UBTD1: variants seen among roughly 807,000 people sequenced by gnomAD.
UBTD1 encodes the protein ubiquitin domain-containing protein 1.
UBTD1 carries 19 observed loss-of-function variants against 21.7 expected under a neutral mutation model. The observed-to-expected ratio is 0.87, with a 90% CI of 0.61 to 1.28. UBTD1 has a LOEUF of 1.28. Among genes scored for constraint, UBTD1 ranks in the 50% most tolerant of loss-of-function variants. The probability of loss-of-function intolerance (pLI) is 0.00; values close to 1 mark genes in which losing one functional copy is unlikely to be tolerated. For synonymous variants in UBTD1, 116 were observed against 135.1 expected (o/e 0.86, Z 0.98); for missense variants, 282 against 315.1 (o/e 0.89, Z 0.80).
At chr10:97,537,140 C>T (rs2040566571) in intron 1 of UBTD1, among the ~76,000 whole-genome samples, 1 of 152,076 alleles carries the variant, frequency 6.6e-6, no homozygotes, top group African/African-American at 2.4e-5. Context: ...ATGTCTCCCT[C>T]ATTTTCTCAG....
rs544251384 is a variant in UBTD1, at chr10:97,529,261, ACG to A, written c.70+29990_70+29991del. ...TAGGTGGGATGGCGGCCGGGCAGAGACGCTCCTCACTTTCCAGACTGGGCAGC... is the reference window on the plus strand; with the variant it reads ...TAGGTGGGATGGCGGCCGGGCAGAGACTCCTCACTTTCCAGACTGGGCAGC... On this transcript the variant is annotated intron_variant, in intron 1 of 2. Coordinates refer to ENST00000370664, the MANE Select transcript of UBTD1 (RefSeq NM_024954.5). Among the ~76,000 whole-genome samples the A allele has an allele frequency of 1.1e-3, 161 of 142,756 alleles. 1 individual carries two copies. Among genetic ancestry groups the A allele is most frequent in the African/African-American group, 4.2e-3 (155 of 37,076 alleles). The allele number at this position is 142,756 out of a possible 152,430, so 93.7% of individuals were successfully genotyped here.
chr10:97,528,281 G>A (rs1442794848), intron 1 of UBTD1, among the ~76,000 whole-genome samples: 1 of 137,422 alleles, frequency 7.3e-6, no homozygotes, highest in Non-Finnish European at 1.6e-5. Context: ...TCCCGGACGG[G>A]GCGGCTGGCC....
chr10:97,553,891 G>A (rs1174671211), intron 1 of UBTD1, among the ~76,000 whole-genome samples: 1 of 152,216 alleles, frequency 6.6e-6, no homozygotes, highest in African/African-American at 2.4e-5. Flanking sequence ...AATACTTGCA[G>A]AGGCTCACTC....
At chr10:97,534,612 C>G (rs1279979639) in intron 1 of UBTD1, among the ~76,000 whole-genome samples, 2 of 143,442 alleles carry the variant, frequency 1.4e-5, no homozygotes, top group Non-Finnish European at 3.1e-5. Context: ...CACACACACA[C>G]CACCCTTACT....
At chr10:97,519,802 G>T (rs979202635) in intron 1 of UBTD1, among the ~76,000 whole-genome samples, 4 of 152,172 alleles carry the variant, frequency 2.6e-5, no homozygotes, top group Non-Finnish European at 5.9e-5. Flanking sequence ...GATTAAAAGG[G>T]GGTATGTGCT....
chr10:97,509,608 T>C (rs555415699), intron 1 of UBTD1, among the ~76,000 whole-genome samples: 1 of 152,314 alleles, frequency 6.6e-6, no homozygotes, highest in African/African-American at 2.4e-5. Context: ...GGCTCATCCC[T>C]TGGAGTCAGA....
chr10:97,514,616 C>T (rs1183596235), intron 1 of UBTD1, among the ~76,000 whole-genome samples: 1 of 152,128 alleles, frequency 6.6e-6, no homozygotes, highest in Non-Finnish European at 1.5e-5. Flanking sequence ...AGCACTCATC[C>T]AGTGGGAGTG....
intron 1 of UBTD1, among the ~76,000 whole-genome samples, chr10:97,565,687 G>A (rs2040714212): frequency 2.0e-5 from 3 of 151,844 alleles, no homozygotes; most frequent in East Asian, 1.9e-4. Flanking sequence ...CAATTATATT[G>A]TATTTTTCTT....
intron 1 of UBTD1, among the ~76,000 whole-genome samples, chr10:97,547,985 CTT>C (rs1368275779): frequency 6.6e-6 from 1 of 152,070 alleles, no homozygotes; most frequent in African/African-American, 2.4e-5. Context: ...TAGCTACTGT[CTT>C]TTCAGCACTG....
intron 1 of UBTD1, among the ~76,000 whole-genome samples, chr10:97,529,373 A>G (rs2040514505): frequency 6.6e-6 from 1 of 152,232 alleles, no homozygotes; most frequent in East Asian, 1.9e-4. Context: ...GCGGCTGGGC[A>G]GAGGCTGCAA....
At chr10:97,535,593 C>T in intron 1 of UBTD1, among the ~76,000 whole-genome samples, 1 of 151,916 alleles carries the variant, frequency 6.6e-6, no homozygotes, top group Non-Finnish European at 1.5e-5. Flanking sequence ...CCAGCCTGGG[C>T]AACAGAGCAA....
chr10:97,550,293 G>A (rs534956451), intron 1 of UBTD1, among the ~76,000 whole-genome samples: 1 of 152,196 alleles, frequency 6.6e-6, no homozygotes, highest in Non-Finnish European at 1.5e-5. Flanking sequence ...GGGGATTGCC[G>A]CAGGTATAAA....
chr10:97,567,976 G>A lies in UBTD1; in HGVS notation c.133G>A (p.Gly45Arg), dbSNP rs1200305952. Residue 45 changes from glycine to arginine, a missense_variant, in exon 2 of 3, where the codon GGG becomes AGG. Transcript: ENST00000370664. ...GAAGAGCGACTACCCCATGACTGAC[G>A]GGCAGCTGCGGAGCAAACGGGATGA... ...KWKSDYPMTD[G>R]QLRSKRDEFW... 6 of 1,614,150 alleles carry A rather than the reference G, an allele frequency of 3.7e-6. No individual in the cohort carries two copies. The highest frequency in any genetic ancestry group is 2.7e-5 in the African/African-American group (2 of 75,058).
chr10:97,518,304 G>A (rs2040452991), intron 1 of UBTD1, among the ~76,000 whole-genome samples: 1 of 152,162 alleles, frequency 6.6e-6, no homozygotes, highest in Non-Finnish European at 1.5e-5. Context: ...TGCCGACCTC[G>A]CTCCATCCAG....
chr10:97,542,947 A>G (rs1564741377), intron 1 of UBTD1, among the ~76,000 whole-genome samples: 1 of 152,266 alleles, frequency 6.6e-6, no homozygotes, highest in Non-Finnish European at 1.5e-5. Flanking sequence ...GGCCTTGGCC[A>G]TATGTTGGAA....
intron 1 of UBTD1, among the ~76,000 whole-genome samples, chr10:97,548,730 T>C (rs545641664): frequency 1.2e-4 from 18 of 152,242 alleles, no homozygotes; most frequent in Non-Finnish European, 1.3e-4. Context: ...TGAGCTGAGA[T>C]TGCGTCACTG....
intron 1 of UBTD1, among the ~76,000 whole-genome samples, chr10:97,521,786 C>T (rs576391065): frequency 3.9e-5 from 6 of 152,346 alleles, no homozygotes; most frequent in African/African-American, 1.4e-4. Flanking sequence ...GGGTCACACA[C>T]CCACCTGGCC....
intron 1 of UBTD1, among the ~76,000 whole-genome samples, chr10:97,508,469 T>A (rs2040408337): frequency 1.3e-5 from 2 of 152,058 alleles, no homozygotes; most frequent in Non-Finnish European, 2.9e-5. Context: ...GCCAGGAAAA[T>A]GAATGGATTG....
At chr10:97,549,935 G>A (rs1342910018) in intron 1 of UBTD1, among the ~76,000 whole-genome samples, 2 of 152,230 alleles carry the variant, frequency 1.3e-5, no homozygotes, top group Admixed American at 1.3e-4. Flanking sequence ...CTCCCCGCCT[G>A]GGCTGATCCT....
Sources: allele counts gnomAD v4.1 joint callset (sites outside exome capture counted in the v4.1 genomes callset), GRCh38; gene constraint gnomAD v4.1.1; transcripts MANE v1.5; gene names NCBI Gene and HGNC (gene_info 2026-07-23, HGNC 2026-07-21).